Variants in CTNNA2 observed in about 807,000 individuals in gnomAD.
CTNNA2 encodes the protein catenin alpha 2, also known as catenin alpha-2.
A neutral mutation model predicts 101.0 loss-of-function variants in CTNNA2; 42 were observed. The ratio of observed to expected loss-of-function variants is 0.42; its 90% CI spans 0.32 to 0.54. CTNNA2 has a LOEUF of 0.54. CTNNA2 is among the 20% of genes least tolerant of loss of function. CTNNA2 has a pLI of 0.14. For synonymous variants in CTNNA2, 450 were observed against 456.4 expected, an observed-to-expected ratio of 0.99 and a Z score of 0.18; for missense variants, 871 against 1,223.1, an observed-to-expected ratio of 0.71 and a Z score of 4.29.
chr2:79,650,097 C>T (rs1358611211), intron 1 of CTNNA2, among the ~76,000 whole-genome samples: 1 of 139,346 alleles, frequency 7.2e-6, no homozygotes, highest in Non-Finnish European at 1.5e-5. Flanking sequence ...GTTGCTTGTC[C>T]AGTGGTTAGA....
intron 2 of CTNNA2, among the ~76,000 whole-genome samples, chr2:79,664,241 A>G (rs1682240704): frequency 6.6e-6 from 1 of 152,206 alleles, no homozygotes; most frequent in South Asian, 2.1e-4. Context: ...TTGTCTATAA[A>G]TAATCTCTAT....
intron 1 of CTNNA2, among the ~76,000 whole-genome samples, chr2:79,536,574 AGTGTGTGTGT>A (rs61029469): frequency 6.8e-6 from 1 of 146,714 alleles, no homozygotes; most frequent in African/African-American, 2.5e-5. Context: ...TCTCTAAAGA[AGTGTGTGTGT>A]GTGTGTGTGT....
chr2:79,208,958 T>C (rs1674134933), intron 2 of CTNNA2, among the ~76,000 whole-genome samples: 1 of 152,112 alleles, frequency 6.6e-6, no homozygotes, highest in Non-Finnish European at 1.5e-5. Flanking sequence ...ATGATACTCA[T>C]GTGGATGTGA....
At position 79,828,647 on chromosome 2, in the gene CTNNA2, G is replaced by T. The variant is rs80156701; in HGVS notation, c.299-29366G>T. 2.7e-3 allele frequency among the ~76,000 whole-genome samples: 408 copies of T among 152,304 alleles called. 1 individual carries two copies. Among genetic ancestry groups the T allele is most frequent in the African/African-American group, 9.5e-3 (396 of 41,568 alleles). On this transcript the variant is annotated intron_variant, in intron 3 of 18. Transcript: ENST00000402739. ...AATAGAGTTTCTGCTCTTGGACTAA[G>T]TGTTTACTGAAGGAAATGCAAGAGT... is the stretch of plus-strand genomic sequence containing the variant.
chr2:79,471,425 C>G (rs773587442), intron 4 of CTNNA2, among the ~76,000 whole-genome samples: 1 of 152,148 alleles, frequency 6.6e-6, no homozygotes, highest in African/African-American at 2.4e-5. Context: ...TCCTTATATC[C>G]TCCCATGGAA....
chr2:80,379,732 G>T (rs1451223304), intron 7 of CTNNA2, among the ~76,000 whole-genome samples: 1 of 152,168 alleles, frequency 6.6e-6, no homozygotes, highest in African/African-American at 2.4e-5. Context: ...CCTGTTTCAA[G>T]AATTTATCTA....
intron 7 of CTNNA2, among the ~76,000 whole-genome samples, chr2:80,066,243 G>T (rs1697978319): frequency 6.6e-6 from 1 of 152,108 alleles, no homozygotes; most frequent in Admixed American, 6.5e-5. Flanking sequence ...CTGTACTTTT[G>T]GCACAGCAAA....
chr2:79,952,672 C>A (rs1688967553), intron 7 of CTNNA2, among the ~76,000 whole-genome samples: 1 of 152,160 alleles, frequency 6.6e-6, no homozygotes, highest in Non-Finnish European at 1.5e-5. Context: ...TGAGGACTGG[C>A]AGTTTTTGTG....
intron 9 of CTNNA2, among the ~76,000 whole-genome samples, chr2:80,447,500 T>C (rs552494406): frequency 6.6e-6 from 1 of 152,338 alleles, no homozygotes; most frequent in African/African-American, 2.4e-5. Context: ...ACTCCATTCA[T>C]ACAAAATTGT....
At chr2:80,222,717 G>T (rs752052948) in intron 7 of CTNNA2, among the ~76,000 whole-genome samples, 18 of 152,170 alleles carry the variant, frequency 1.2e-4, no homozygotes, top group Non-Finnish European at 2.4e-4. Context: ...TCATCTCATT[G>T]TAAATAAAGC....
At chr2:80,398,733 G>A (rs138145602) in intron 8 of CTNNA2, among the ~76,000 whole-genome samples, 1 of 151,000 alleles carries the variant, frequency 6.6e-6, no homozygotes, top group Non-Finnish European at 1.5e-5. Flanking sequence ...CCGGCATGGT[G>A]GCACGTGCCT....
In CTNNA2 at chr2:79,433,976, A is replaced by G. The variant is rs553083504; in HGVS notation, c.-135+59963A>G. On this transcript the variant is annotated intron_variant, in intron 4 of 21. Transcript: ENST00000466387. ...ATTTTTCATTAAGCCAGTGTTCTTT[A>G]GAGAGGTGGTTCTTAAAAGAATAAG... Among the ~76,000 whole-genome samples, 7 of 152,264 alleles carry G rather than the reference A, an allele frequency of 4.6e-5. No homozygotes were observed. In the South Asian group the frequency reaches 8.3e-4, roughly 18 times the overall value.
At chr2:80,451,809 T>G (rs1053460928) in intron 9 of CTNNA2, among the ~76,000 whole-genome samples, 2 of 152,194 alleles carry the variant, frequency 1.3e-5, no homozygotes, top group Non-Finnish European at 2.9e-5. Flanking sequence ...AATCCAACAT[T>G]CAAGAATTAC....
chr2:79,185,706 G>A (rs1023494454), intron 1 of CTNNA2, among the ~76,000 whole-genome samples: 5 of 152,146 alleles, frequency 3.3e-5, no homozygotes, highest in Non-Finnish European at 2.9e-5. Context: ...ATGACACAAT[G>A]TCTGACACAG....
chr2:80,017,077 G>GGA (rs1209138972), intron 7 of CTNNA2, among the ~76,000 whole-genome samples: 1 of 152,120 alleles, frequency 6.6e-6, no homozygotes, highest in Non-Finnish European at 1.5e-5. Context: ...CAACTGGGAG[G>GGA]GAGCCCAGGG....
At chr2:80,138,412 A>G (rs553070066) in intron 7 of CTNNA2, among the ~76,000 whole-genome samples, 7 of 152,288 alleles carry the variant, frequency 4.6e-5, no homozygotes, top group Admixed American at 2.0e-4. Context: ...AGAGTATTGT[A>G]ATAGCACCTG....
At chr2:80,545,295 C>G (rs941506606) in intron 10 of CTNNA2, among the ~76,000 whole-genome samples, 7 of 152,146 alleles carry the variant, frequency 4.6e-5, no homozygotes, top group African/African-American at 9.7e-5. Context: ...ACCTATAATC[C>G]CAGTGCTCTG....
At chr2:79,713,414 C>T (rs1685871452) in intron 2 of CTNNA2, among the ~76,000 whole-genome samples, 1 of 152,142 alleles carries the variant, frequency 6.6e-6, no homozygotes, top group African/African-American at 2.4e-5. Context: ...CCACTGCACT[C>T]CAGCCTGGGT....
At chr2:80,450,434 C>G (rs1383854540) in intron 9 of CTNNA2, among the ~76,000 whole-genome samples, 1 of 152,034 alleles carries the variant, frequency 6.6e-6, no homozygotes, top group East Asian at 1.9e-4. Context: ...CAGAGAACAT[C>G]TTCTAAAGGA....
Sources: gnomAD v4.1 joint callset for allele counts (sites outside exome capture counted in the v4.1 genomes callset) on GRCh38, gnomAD v4.1.1 for gene constraint, MANE v1.5 for transcripts, NCBI Gene and HGNC (gene_info 2026-07-23, HGNC 2026-07-21) for gene names.